The following ACSM1 variants were observed in gnomAD, a reference collection of about 807,000 sequenced individuals.
The protein encoded by ACSM1 is acyl-CoA synthetase medium chain family member 1, also known as acyl-coenzyme A synthetase ACSM1, mitochondrial.
A neutral mutation model predicts 75.8 loss-of-function variants in ACSM1; 79 were observed. That is an observed-to-expected ratio of 1.04 (90% CI 0.87 to 1.26). The LOEUF is 1.26. Ranked by LOEUF, ACSM1 falls within the 50% of genes most tolerant of loss-of-function variation. The probability of loss-of-function intolerance (pLI) is 0.00; values close to 1 mark genes in which losing one functional copy is unlikely to be tolerated. For synonymous variants in ACSM1, 279 were observed against 265.8 expected (o/e 1.05, Z -0.48); for missense variants, 676 against 720.1 (o/e 0.94, Z 0.70).
At position 20,685,331 on chromosome 16, in the gene ACSM1, T is replaced by C. The variant is rs965251628; in HGVS notation, c.265A>G (p.Arg89Gly). Residue 89 changes from arginine (R) to glycine (G), a missense_variant, in exon 3 of 14, where the codon AGA (arginine) becomes GGA (glycine). Arg to Gly is a moderately radical substitution (Grantham distance 125, BLOSUM62 -2). Coordinates refer to ENST00000520010, the MANE Select transcript of ACSM1 (RefSeq NM_001318890.3). ...GQGDEVKWSF[R>G]EMGDLTRRVA... ...CGGCGGGTTAGGTCTCCCATCTCTC[T>C]GAAGCTCCACTTTACTTCATCCCCT... 1 of 1,614,192 alleles carries C rather than the reference T, an allele frequency of 6.2e-7. No homozygotes were observed. The highest frequency in any genetic ancestry group is 1.3e-5 in the African/African-American group (1 of 75,042).
intron 3 of ACSM1, 102 bp from the exon 4 acceptor site, chr16:20,682,565 A>G (rs970727999): frequency 1.3e-5 from 11 of 860,990 alleles, no homozygotes; most frequent in Non-Finnish European, 1.9e-6. Context: ...CTTGTTATGT[A>G]AAGTACAGGC....
intron 13 of ACSM1, 111 bp downstream of exon 13, chr16:20,623,985 T>G: frequency 6.7e-7 from 1 of 1,484,248 alleles, no homozygotes; most frequent in Non-Finnish European, 9.2e-7. Flanking sequence ...GAGCCTTCAG[T>G]GTTGTAAACC....
chr16:20,682,539 C>T (rs537607064), intron 3 of ACSM1, 76 bp from the exon 4 acceptor site: 14 of 1,149,072 alleles, frequency 1.2e-5, no homozygotes, highest in African/African-American at 6.0e-5. Context: ...TTGTCTGCAT[C>T]GAAATACCCT....
At chr16:20,630,074 G>A (rs1279936856) in intron 10 of ACSM1, among the ~76,000 whole-genome samples, 1 of 149,348 alleles carries the variant, frequency 6.7e-6, no homozygotes, top group Non-Finnish European at 1.5e-5. Flanking sequence ...AACCAAAAGA[G>A]AGCTTGGGTT....
At chr16:20,657,811 T>C (rs912107325) in intron 7 of ACSM1, among the ~76,000 whole-genome samples, 10 of 147,854 alleles carry the variant, frequency 6.8e-5, no homozygotes, top group Admixed American at 3.4e-4. Context: ...CCTGTGTCCA[T>C]GTGTTCTCAT....
chr16:20,655,022 G>C (rs531368375), intron 7 of ACSM1, among the ~76,000 whole-genome samples: 1 of 152,202 alleles, frequency 6.6e-6, no homozygotes, highest in African/African-American at 2.4e-5. Context: ...TGATAGACTG[G>C]ATTAAGAAAA....
intron 6 of ACSM1, among the ~76,000 whole-genome samples, chr16:20,665,352 G>A (rs1596886059): frequency 6.6e-6 from 1 of 152,098 alleles, no homozygotes; most frequent in South Asian, 2.1e-4. Flanking sequence ...AAGATTCTCA[G>A]AGACTATTAT....
At chr16:20,652,551 A>C (rs574906708) in intron 7 of ACSM1, among the ~76,000 whole-genome samples, 1 of 151,988 alleles carries the variant, frequency 6.6e-6, no homozygotes, top group African/African-American at 2.4e-5. Flanking sequence ...AGGGATATTT[A>C]AAAAAATGAT....
chr16:20,660,410 C>G (rs2019234475), intron 7 of ACSM1, among the ~76,000 whole-genome samples: 1 of 152,146 alleles, frequency 6.6e-6, no homozygotes. Flanking sequence ...CTGATACAGA[C>G]AGGGTCAAGA....
At chr16:20,644,797 GT>G (rs1309593944) in intron 7 of ACSM1, among the ~76,000 whole-genome samples, 2 of 152,184 alleles carry the variant, frequency 1.3e-5, no homozygotes, top group African/African-American at 4.8e-5. Flanking sequence ...ACTTACAAGG[GT>G]TTAAACAAAA....
intron 2 of ACSM1, among the ~76,000 whole-genome samples, chr16:20,685,925 A>ACATAAGAC (rs1257126614): frequency 6.6e-6 from 1 of 151,422 alleles, no homozygotes; most frequent in African/African-American, 2.4e-5. Flanking sequence ...GCCTCAAGCC[A>ACATAAGAC]CATAAGACCA....
At chr16:20,629,990 C>CAA (rs558208317) in intron 10 of ACSM1, among the ~76,000 whole-genome samples, 31,171 of 80,520 alleles carry the variant, frequency 0.39, 4,932 homozygotes, top group African/African-American at 0.53. Flanking sequence ...GACTCCAACT[C>CAA]AAAAAAAAAA....
intron 7 of ACSM1, among the ~76,000 whole-genome samples, chr16:20,659,587 C>T (rs2152254048): frequency 6.6e-6 from 1 of 152,198 alleles, no homozygotes; most frequent in South Asian, 2.1e-4. Context: ...AATATTGTAC[C>T]CCAAAACATG....
At chr16:20,649,440 A>C (rs1204947537) in intron 7 of ACSM1, among the ~76,000 whole-genome samples, 1 of 152,152 alleles carries the variant, frequency 6.6e-6, no homozygotes, top group Non-Finnish European at 1.5e-5. Flanking sequence ...TCTATAGAGA[A>C]TCCCCTTTCC....
At chr16:20,641,601 G>A (rs1382809767) in intron 7 of ACSM1, among the ~76,000 whole-genome samples, 1 of 152,196 alleles carries the variant, frequency 6.6e-6, no homozygotes, top group African/African-American at 2.4e-5. Flanking sequence ...TTCTTTGTTG[G>A]ATTACCAATA....
chr16:20,630,586 A>G (rs562129055), intron 10 of ACSM1, among the ~76,000 whole-genome samples: 19 of 152,322 alleles, frequency 1.2e-4, no homozygotes, highest in Middle Eastern at 6.8e-3. Context: ...GGAGAATTTA[A>G]TATACCACTT....
chr16:20,649,804 T>C (rs1414287407), intron 7 of ACSM1, among the ~76,000 whole-genome samples: 1 of 152,188 alleles, frequency 6.6e-6, no homozygotes, highest in Non-Finnish European at 1.5e-5. Context: ...CCCTCAAATA[T>C]ACAAAACCAA....
chr16:20,642,785 T>C (rs1021562059), intron 7 of ACSM1, among the ~76,000 whole-genome samples: 1 of 152,192 alleles, frequency 6.6e-6, no homozygotes, highest in African/African-American at 2.4e-5. Context: ...TAGTGGCAAA[T>C]GGGGGCAACA....
intron 5 of ACSM1, 77 bp from the exon 6 acceptor site, chr16:20,670,063 C>T: frequency 1.4e-6 from 2 of 1,429,378 alleles, no homozygotes; most frequent in African/African-American, 1.4e-5. Context: ...TGGTTTTTAG[C>T]TACGAACCCA....
Sources: gnomAD v4.1 joint callset for allele counts (sites outside exome capture counted in the v4.1 genomes callset) on GRCh38, gnomAD v4.1.1 for gene constraint, MANE v1.5 for transcripts, NCBI Gene and HGNC (gene_info 2026-07-23, HGNC 2026-07-21) for gene names.